Variants in LRP1B observed in about 807,000 individuals in gnomAD.
LRP1B encodes the protein low-density lipoprotein receptor-related protein 1B.
A neutral mutation model predicts 556.6 loss-of-function variants in LRP1B; 217 were observed. The ratio of observed to expected loss-of-function variants is 0.39; its 90% CI spans 0.35 to 0.44. The LOEUF is 0.44. Among genes scored for constraint, LRP1B ranks in the 20% least tolerant of loss-of-function variants. LRP1B has a pLI of 1.00. For missense variants in LRP1B, 5,053 were observed against 5,620.8 expected (o/e 0.90, Z 3.23); for synonymous variants, 2,047 against 1,865.8 (o/e 1.10, Z -2.50).
At chr2:141,549,856 G>A (rs146489033) in intron 2 of LRP1B, among the ~76,000 whole-genome samples, 85 of 152,198 alleles carry the variant, frequency 5.6e-4, no homozygotes, top group Middle Eastern at 3.4e-3. Flanking sequence ...TTAGATGGGC[G>A]TGGTGGTGCA....
intron 35 of LRP1B, among the ~76,000 whole-genome samples, chr2:140,726,627 A>G (rs947163672): frequency 6.6e-6 from 1 of 152,184 alleles, no homozygotes; most frequent in Non-Finnish European, 1.5e-5. Context: ...TATGTTTCAT[A>G]TGTGTCATAT....
intron 2 of LRP1B, among the ~76,000 whole-genome samples, chr2:141,573,625 A>G (rs1686617201): frequency 7.3e-6 from 1 of 137,262 alleles, no homozygotes; most frequent in Admixed American, 7.5e-5. Context: ...TAGATGCACG[A>G]AAAACCCTCC....
rs540125902 is a variant in LRP1B, at chr2:140,656,727, G to A, written c.6799+43523C>T. Among the ~76,000 whole-genome samples the A allele has an allele frequency of 5.0e-4, 76 of 152,108 alleles. 1 individual carries two copies. The highest frequency in any genetic ancestry group is 1.0e-3 in the Non-Finnish European group (69 of 67,982). On this transcript the variant is annotated intron_variant, in intron 41 of 90. Coordinates refer to ENST00000389484, the MANE Select transcript of LRP1B (RefSeq NM_018557.3). ...GATTCATTCAAAAGAAAAGTTTTTT[G>A]GGGTTCACTTTCAGGGAATTTTCAA... is the stretch of plus-strand genomic sequence containing the variant.
chr2:141,177,059 T>C (rs1680767670), intron 7 of LRP1B, among the ~76,000 whole-genome samples: 2 of 152,068 alleles, frequency 1.3e-5, no homozygotes, highest in Admixed American at 1.3e-4. Context: ...TGACTAGATA[T>C]AACTACTGAA....
At chr2:140,519,230 C>A (rs901988692) in intron 49 of LRP1B, among the ~76,000 whole-genome samples, 9 of 152,090 alleles carry the variant, frequency 5.9e-5, no homozygotes, top group South Asian at 2.1e-4. Context: ...GCCACAGTAA[C>A]CAAAACAGCA....
At chr2:140,410,138 A>G (rs1025803878) in intron 66 of LRP1B, among the ~76,000 whole-genome samples, 1 of 152,016 alleles carries the variant, frequency 6.6e-6, no homozygotes, top group Admixed American at 6.6e-5. Flanking sequence ...TTCCTGAGCT[A>G]TATATTTTTT....
At chr2:140,532,947 T>TAC (rs1553482124) in intron 47 of LRP1B, among the ~76,000 whole-genome samples, 1 of 124,282 alleles carries the variant, frequency 8.0e-6, no homozygotes. Flanking sequence ...TATATATATA[T>TAC]ACACATATAT....
At chr2:140,316,311 C>A (rs17477171) in intron 82 of LRP1B, among the ~76,000 whole-genome samples, 3,098 of 152,146 alleles carry the variant, frequency 0.02, 38 homozygotes, top group African/African-American at 0.028. Context: ...GATGCACTGG[C>A]ACATACATGA....
intron 60 of LRP1B, among the ~76,000 whole-genome samples, chr2:140,465,728 A>AAAAAAAAG (rs1212346708): frequency 3.3e-5 from 5 of 151,536 alleles, no homozygotes; most frequent in African/African-American, 9.8e-5. Context: ...TGCAAAAAAA[A>AAAAAAAAG]AAAAAAGAAA....
At chr2:140,530,963 A>G (rs1690666627) in intron 47 of LRP1B, among the ~76,000 whole-genome samples, 1 of 152,134 alleles carries the variant, frequency 6.6e-6, no homozygotes, top group East Asian at 1.9e-4. Flanking sequence ...TGGTATTGAT[A>G]TCATTAGGCA....
At chr2:140,947,299 C>T (rs1291797249) in intron 20 of LRP1B, among the ~76,000 whole-genome samples, 2 of 152,136 alleles carry the variant, frequency 1.3e-5, no homozygotes, top group Non-Finnish European at 2.9e-5. Context: ...TCTCCTCCTC[C>T]TTTACTATTA....
intron 3 of LRP1B, among the ~76,000 whole-genome samples, chr2:141,349,132 A>G (rs1688359147): frequency 6.6e-6 from 1 of 152,112 alleles, no homozygotes; most frequent in African/African-American, 2.4e-5. Flanking sequence ...ACTACAGGAT[A>G]CTTCCAAGGA....
rs750646862 is a variant in LRP1B at position 141,229,193 on chromosome 2, T to A, written c.840A>T (p.Gln280His). 6.2e-7 allele frequency: 1 copy of A among 1,613,058 alleles called. No homozygotes were observed. The highest frequency in any genetic ancestry group is 1.3e-5 in the African/African-American group (1 of 75,018). ...LTDEWTINILQSFHNVQQMAI... is the reference protein window; with the variant it reads ...LTDEWTINILHSFHNVQQMAI... ...AATTGAAACACTTACTGTGGAAGGA[T>A]TGAAGAATATTGATTGTCCATTCAT... Residue 280 changes from glutamine (Q) to histidine (H), a missense_variant, in exon 6 of 91, where the codon CAA becomes CAT. By Grantham distance (24) the Gln-to-His change is conservative. Transcript: ENST00000389484.
At chr2:140,968,710 A>C (rs1173925574) in intron 18 of LRP1B, among the ~76,000 whole-genome samples, 1 of 152,156 alleles carries the variant, frequency 6.6e-6, no homozygotes, top group East Asian at 1.9e-4. Context: ...AATGTATCCC[A>C]GAGATTCTGG....
intron 1 of LRP1B, among the ~76,000 whole-genome samples, chr2:141,943,937 G>A (rs1700886183): frequency 6.6e-6 from 1 of 152,142 alleles, no homozygotes; most frequent in African/African-American, 2.4e-5. Flanking sequence ...GCGATAGAGG[G>A]GTTCCTGTTA....
intron 1 of LRP1B, among the ~76,000 whole-genome samples, chr2:141,867,762 G>T (rs1698459155): frequency 6.6e-6 from 1 of 152,126 alleles, no homozygotes; most frequent in African/African-American, 2.4e-5. Flanking sequence ...AGAGAGGCAT[G>T]AAATGTAACA....
chr2:141,772,254 T>G (rs1574342971), intron 2 of LRP1B, among the ~76,000 whole-genome samples: 1 of 152,284 alleles, frequency 6.6e-6, no homozygotes, highest in East Asian at 1.9e-4. Context: ...TTCTTTTGTT[T>G]AAGCCACCCA....
intron 1 of LRP1B, among the ~76,000 whole-genome samples, chr2:142,045,955 G>C (rs542299544): frequency 3.3e-5 from 5 of 151,816 alleles, no homozygotes; most frequent in African/African-American, 1.2e-4. Flanking sequence ...AATATCCAAG[G>C]TGAAACATGG....
intron 1 of LRP1B, among the ~76,000 whole-genome samples, chr2:142,119,657 G>A (rs192997490): frequency 6.6e-5 from 10 of 152,246 alleles, no homozygotes; most frequent in South Asian, 6.2e-4. Flanking sequence ...CCTTCAAATA[G>A]TGTATTCCTT....
Sources: allele counts gnomAD v4.1 joint callset (sites outside exome capture counted in the v4.1 genomes callset), GRCh38; gene constraint gnomAD v4.1.1; transcripts MANE v1.5; gene names NCBI Gene and HGNC (gene_info 2026-07-23, HGNC 2026-07-21).